HCRTR2: variants seen among roughly 807,000 people sequenced by gnomAD.
HCRTR2 encodes orexin receptor type 2.
A neutral mutation model predicts 49.0 loss-of-function variants in HCRTR2; 22 were observed. The ratio of observed to expected loss-of-function variants is 0.45; its 90% confidence interval spans 0.32 to 0.64. HCRTR2 has a LOEUF of 0.64. Ranked by LOEUF, HCRTR2 falls within the 30% of genes least tolerant of loss-of-function variation. The pLI is 0.04. For synonymous variants in HCRTR2, 236 were observed against 205.3 expected (o/e 1.15, Z -1.28); for missense variants, 491 against 559.4 (o/e 0.88, Z 1.23).
chr6:55,109,299 T>C (rs1764017545), intron 1 of HCRTR2, among the ~76,000 whole-genome samples: 1 of 152,140 alleles, frequency 6.6e-6, no homozygotes, highest in East Asian at 1.9e-4. Context: ...TCCTGTGCTA[T>C]GACAAAACAA....
chr6:55,204,137 T>C (rs905253880), intron 1 of HCRTR2, among the ~76,000 whole-genome samples: 5 of 152,250 alleles, frequency 3.3e-5, no homozygotes, highest in Admixed American at 2.6e-4. Flanking sequence ...TGTGAGGGCC[T>C]AATCTGCTTA....
At chr6:55,235,696 A>G (rs1272383449) in intron 1 of HCRTR2, among the ~76,000 whole-genome samples, 1 of 152,078 alleles carries the variant, frequency 6.6e-6, no homozygotes, top group Non-Finnish European at 1.5e-5. Context: ...TTCTATGTAG[A>G]TATCAATTTA....
chr6:55,261,404 T>G (rs1027138817), intron 3 of HCRTR2, among the ~76,000 whole-genome samples: 1 of 152,114 alleles, frequency 6.6e-6, no homozygotes, highest in Non-Finnish European at 1.5e-5. Context: ...ACTTTTTTTT[T>G]TATTTTTTAT....
chr6:55,193,599 A>G (rs1407881663), intron 1 of HCRTR2, among the ~76,000 whole-genome samples: 1 of 151,262 alleles, frequency 6.6e-6, no homozygotes, highest in African/African-American at 2.4e-5. Flanking sequence ...CTTCTAGCAA[A>G]CCAAAATTTA....
rs572189946 is a variant in HCRTR2, at chr6:55,125,934, G to A, written c.-378+19389G>A. Among the ~76,000 whole-genome samples, 23 of 151,908 alleles carry A rather than the reference G, an allele frequency of 1.5e-4. No individual in the cohort carries two copies. In the South Asian group the frequency reaches 4.4e-3, roughly 29 times the overall value. On this transcript the variant is annotated intron_variant, in intron 1 of 7. Coordinates refer to the HCRTR2 transcript ENST00000615358. ...CGATTGATACCTGTGTATGCTTCACGAAGTTCTCGTGCTATGTTTTTCAGC... is the reference window on the plus strand; with the variant it reads ...CGATTGATACCTGTGTATGCTTCACAAAGTTCTCGTGCTATGTTTTTCAGC...
intron 4 of HCRTR2, among the ~76,000 whole-genome samples, chr6:55,270,632 T>G (rs937407954): frequency 4.6e-5 from 7 of 152,206 alleles, no homozygotes; most frequent in African/African-American, 1.7e-4. Flanking sequence ...ACAAAAACTT[T>G]GTTTCATGCC....
intron 1 of HCRTR2, among the ~76,000 whole-genome samples, chr6:55,233,272 G>A (rs906782324): frequency 2.6e-5 from 4 of 151,980 alleles, no homozygotes; most frequent in African/African-American, 9.7e-5. Flanking sequence ...GTATTTTTTA[G>A]TAAACATGGG....
intron 1 of HCRTR2, among the ~76,000 whole-genome samples, chr6:55,138,802 T>C (rs537419591): frequency 6.2e-4 from 94 of 152,358 alleles, no homozygotes; most frequent in African/African-American, 2.2e-3. Flanking sequence ...CTTTGCTATA[T>C]CTCTTTCCTC....
chr6:55,193,326 T>A (rs1317487742), intron 1 of HCRTR2, among the ~76,000 whole-genome samples: 1 of 152,072 alleles, frequency 6.6e-6, no homozygotes, highest in African/African-American at 2.4e-5. Flanking sequence ...TATATAACAT[T>A]TGCTTAATGG....
At chr6:55,139,746 TA>T (rs536705763) in intron 1 of HCRTR2, among the ~76,000 whole-genome samples, 1 of 151,902 alleles carries the variant, frequency 6.6e-6, no homozygotes, top group Admixed American at 6.6e-5. Context: ...GATTTTCAGT[TA>T]AAAAAAACCC....
At chr6:55,129,379 C>G (rs896995781) in intron 1 of HCRTR2, among the ~76,000 whole-genome samples, 1 of 152,082 alleles carries the variant, frequency 6.6e-6, no homozygotes, top group African/African-American at 2.4e-5. Flanking sequence ...TTGTGGAAAT[C>G]CAACTCAGTT....
chr6:55,157,532 G>C (rs1474196061), intron 1 of HCRTR2, among the ~76,000 whole-genome samples: 3 of 152,124 alleles, frequency 2.0e-5, no homozygotes, highest in Admixed American at 6.5e-5. Flanking sequence ...GGGCCTTCAG[G>C]GAACACAGGT....
intron 1 of HCRTR2, among the ~76,000 whole-genome samples, chr6:55,220,879 C>T (rs1489470111): frequency 6.6e-6 from 1 of 151,912 alleles, no homozygotes; most frequent in Non-Finnish European, 1.5e-5. Context: ...AATCGAAATG[C>T]AAAAATCAGT....
chr6:55,125,963 A>G (rs766157187), intron 1 of HCRTR2, among the ~76,000 whole-genome samples: 1 of 151,968 alleles, frequency 6.6e-6, no homozygotes, highest in Non-Finnish European at 1.5e-5. Context: ...TTTCAGCTCC[A>G]TCATGTCGTT....
chr6:55,117,460 G>A (rs1057025718), intron 1 of HCRTR2, among the ~76,000 whole-genome samples: 2 of 151,536 alleles, frequency 1.3e-5, no homozygotes, highest in East Asian at 3.9e-4. Context: ...ACATATTCAT[G>A]GGGTACATGT....
Position 55,241,861 on chromosome 6 carries a change from A to ATTTTTTT in HCRTR2, c.224-6761_224-6755dup, listed in dbSNP as rs917427627. On this transcript the variant is annotated intron_variant, in intron 1 of 6. Transcript: ENST00000370862. The stretch of plus-strand genomic sequence containing the variant: ...GTAGTCTGTCTTACTATGGCAACTA[A>ATTTTTTT]TTTTTTTTTTTTTTTTTTTTTTTGT... 2.1e-4 allele frequency among the ~76,000 whole-genome samples: 19 copies of ATTTTTTT among 92,522 alleles called. 2 individuals carry two copies. Among genetic ancestry groups the ATTTTTTT allele is most frequent in the African/African-American group, 4.8e-4 (11 of 22,970 alleles). The allele number at this position is 92,522 out of a possible 152,430, so 60.7% of individuals were successfully genotyped here.
intron 4 of HCRTR2, among the ~76,000 whole-genome samples, chr6:55,275,436 T>C (rs570997581): frequency 6.4e-4 from 97 of 152,264 alleles, no homozygotes; most frequent in Admixed American, 1.0e-3. Context: ...GGAGTTTCTC[T>C]GAATTCTCCA....
chr6:55,118,466 G>A (rs1343234540), intron 1 of HCRTR2, among the ~76,000 whole-genome samples: 1 of 151,868 alleles, frequency 6.6e-6, no homozygotes, highest in East Asian at 1.9e-4. Context: ...GGTCTTTAAA[G>A]AATTGCCACA....
intron 1 of HCRTR2, among the ~76,000 whole-genome samples, chr6:55,164,756 C>A (rs961009633): frequency 2.0e-5 from 3 of 150,050 alleles, no homozygotes; most frequent in African/African-American, 4.9e-5. Context: ...ACATGTATCC[C>A]AGAACTTAAA....
Sources: gnomAD v4.1 joint callset for allele counts (sites outside exome capture counted in the v4.1 genomes callset) on GRCh38, gnomAD v4.1.1 for gene constraint, MANE v1.5 for transcripts, NCBI Gene and HGNC (gene_info 2026-07-23, HGNC 2026-07-21) for gene names.